Variants in AMT observed in about 807,000 individuals in gnomAD.
AMT encodes the protein aminomethyltransferase, mitochondrial.
AMT carries 24 observed loss-of-function variants against 39.5 expected under a neutral mutation model. The ratio of observed to expected loss-of-function variants is 0.61; its 90% CI spans 0.44 to 0.86. The LOEUF (loss-of-function observed/expected upper bound fraction) is 0.86, where lower values mean the gene tolerates loss of function less well. Ranked by LOEUF, AMT falls within the 40% of genes least tolerant of loss-of-function variation. The pLI, the probability that AMT is intolerant of heterozygous loss-of-function variation, is 0.00. For synonymous variants in AMT, 210 were observed against 212.1 expected, an observed-to-expected ratio of 0.99 and a Z score of 0.09; for missense variants, 501 against 537.0, an observed-to-expected ratio of 0.93 and a Z score of 0.66.
chr3:49,419,777 C>G lies in AMT; in HGVS notation c.483G>C (p.Arg161Ser). ...KDLALMQDKV[R>S]ELQNQGRDVG... ...CATCTCTGCCCTGGTTCTGAAGCTCCCTGACCTTGTCCTAAAAGACAGAAA... is the reference window on the plus strand; with the variant it reads ...CATCTCTGCCCTGGTTCTGAAGCTCGCTGACCTTGTCCTAAAAGACAGAAA... Residue 161 changes from arginine (R) to serine (S), a missense_variant, in exon 5 of 9, where the codon AGG (arginine) becomes AGC (serine). Transcript: ENST00000273588. 1 of 1,614,120 alleles carries G rather than the reference C, an allele frequency of 6.2e-7. No homozygotes were observed. The highest frequency in any genetic ancestry group is 8.5e-7 in the Non-Finnish European group (1 of 1,180,014).
intron 6 of AMT, 43 bp downstream of exon 6, chr3:49,419,217 C>T (rs2049056113): frequency 6.2e-7 from 1 of 1,613,916 alleles, no homozygotes; most frequent in Non-Finnish European, 8.5e-7. Context: ...CCCTCACATG[C>T]ATCCTGTGCC....
intron 3 of AMT, 134 bp from the exon 4 acceptor site, chr3:49,420,476 G>A: frequency 7.4e-7 from 1 of 1,357,210 alleles, no homozygotes; most frequent in Middle Eastern, 2.5e-4. Context: ...GGTGTGCAAG[G>A]TACAAGTCTG....
intron 2 of AMT, chr3:49,421,863 G>A (rs2049108140): frequency 1.4e-6 from 1 of 717,170 alleles, no homozygotes; most frequent in Admixed American, 2.0e-5. Context: ...TGTCAGCCCT[G>A]GAAAACCCGG....
chr3:49,419,268 C>T lies in AMT; in HGVS notation c.688G>A (p.Gly230Ser). Reference protein sequence around the residue: ...VTRCGYTGEDGVEISVPVAGA... With the variant: ...VTRCGYTGEDSVEISVPVAGA... Reference sequence around the variant, plus strand: ...ACCACTTCTTGACACACCTCCACACCATCCTCTCCTGTGTAGCCACAGCGG... The same window carrying T: ...ACCACTTCTTGACACACCTCCACACTATCCTCTCCTGTGTAGCCACAGCGG... Residue 230 changes from glycine (G) to serine (S), a missense_variant, in exon 6 of 9, where the codon GGT becomes AGT. Coordinates refer to ENST00000273588, the MANE Select transcript of AMT (RefSeq NM_000481.4). 1.2e-6 allele frequency: 2 copies of T among 1,614,172 alleles called. No individual in the cohort carries two copies. The highest frequency in any genetic ancestry group is 1.7e-6 in the Non-Finnish European group (2 of 1,180,026).
In AMT at chr3:49,417,640, C is replaced by A. The variant is rs147006017; in HGVS notation, c.1112G>T (p.Arg371Leu). ...CTCTACCAGCAGCATTGTCCCTGGACGACTGTACTCGCAGGGCACATAACC... is the reference window on the plus strand; with the variant it reads ...CTCTACCAGCAGCATTGTCCCTGGAAGACTGTACTCGCAGGGCACATAACC... ...AMGYVPCEYS[R>L]PGTMLLVEVR... Residue 371 changes from arginine (R) to leucine (L), a missense_variant, in exon 9 of 9, where the codon CGT (arginine) becomes CTT (leucine). Coordinates refer to ENST00000273588, the MANE Select transcript of AMT (RefSeq NM_000481.4). 4 of 1,614,042 alleles carry A rather than the reference C, an allele frequency of 2.5e-6. No homozygotes were observed. The African/African-American group carries it at 4.0e-5, about 16-fold the overall frequency.
In AMT at chr3:49,416,959, C is replaced by A. The variant is rs775436218; in HGVS notation, c.*581G>T. ...CCATGGTTTGCTACTGGGCAGCACA[C>A]TAGACCAACTTGGGAATGTGGAAGA... On this transcript the variant is annotated 3_prime_UTR_variant, in exon 9 of 9. Transcript: ENST00000273588. The A allele has an allele frequency of 2.1e-5, 10 of 471,192 alleles. No individual in the cohort carries two copies. The highest frequency in any genetic ancestry group is 3.8e-5 in the Non-Finnish European group (9 of 238,650). 29.2% of individuals were successfully genotyped at this position (471,192 alleles called of 1,614,324 possible). A position where few individuals can be genotyped will look rare whatever the true frequency, so the allele number is the denominator to read the frequency against.
Position 49,419,143 on chromosome 3 carries a change from C to A in AMT, c.705G>T (p.Val235=), listed in dbSNP as rs1324646911. 1.2e-6 allele frequency: 2 copies of A among 1,613,988 alleles called. No homozygotes were observed. Among genetic ancestry groups the A allele is most frequent in the Non-Finnish European group, 1.7e-6 (2 of 1,179,970 alleles). The change falls in exon 7 of 9, where the codon GTG becomes GTT. Residue 235 remains valine, a synonymous_variant. Coordinates refer to ENST00000273588, the MANE Select transcript of AMT (RefSeq NM_000481.4). The part of the protein sequence containing the change: ...YTGEDGVEIS[V]PVAGAVHLAT... ...CCAGGTGAACTGCCCCCGCTACCGG[C>A]ACCGAGATCTGTATGAAACACCAGA...
At position 49,419,329 on chromosome 3, in the gene AMT, C is replaced by A; in HGVS notation, c.627G>T (p.Val209=). ...LRKLPFMTSA[V]MEVFGVSGCR... ...AGCCAGACACGCCAAACACCTCCAT[C>A]ACAGCACTGGTCATGAAGGGCAGTT... The change falls in exon 6 of 9, where the codon GTG becomes GTT. Residue 209 remains valine, a synonymous_variant. Coordinates refer to ENST00000273588, the MANE Select transcript of AMT (RefSeq NM_000481.4). 1 of 1,614,198 alleles carries A rather than the reference C, an allele frequency of 6.2e-7. No individual in the cohort carries two copies. Among genetic ancestry groups the A allele is most frequent in the Non-Finnish European group, 8.5e-7 (1 of 1,180,032 alleles).
At chr3:49,421,461 A>T (rs2107935836) in intron 3 of AMT, 31 bp downstream of exon 3, 1 of 1,592,776 alleles carries the variant, frequency 6.3e-7, no homozygotes, top group Middle Eastern at 1.7e-4. Flanking sequence ...ATGACTAAGA[A>T]AACTCATAGA....
At chr3:49,421,593 C>T in intron 2 of AMT, 21 bp from the exon 3 acceptor site, 2 of 1,607,996 alleles carry the variant, frequency 1.2e-6, no homozygotes, top group Non-Finnish European at 1.7e-6. Flanking sequence ...GATTGAAAGC[C>T]TCAGGCCATT....
At position 49,417,670 on chromosome 3, in the gene AMT, G is replaced by A. The variant is rs757293245; in HGVS notation, c.1082C>T (p.Ala361Val). 3.2e-5 allele frequency: 52 copies of A among 1,613,892 alleles called. No homozygotes were observed. Among genetic ancestry groups the A allele is most frequent in the Non-Finnish European group, 4.0e-5 (47 of 1,180,006 alleles). The change falls in exon 9 of 9, where the codon GCG (alanine) becomes GTG (valine). Residue 361 changes from alanine (A) to valine (V), a missense_variant. Ala to Val is a moderately conservative substitution (Grantham distance 64). Transcript: ENST00000273588. ...GTACTCGCAGGGCACATAACCCATC[G>A]CCACATTCTTCTTCAGAGAGGGGGA... ...CPSPSLKKNV[A>V]MGYVPCEYSR...
chr3:49,419,520 G>A (rs937481466), intron 5 of AMT, 115 bp from the exon 6 acceptor site: 3 of 1,532,718 alleles, frequency 2.0e-6, no homozygotes, highest in African/African-American at 1.4e-5. Context: ...CTGCAAGTGG[G>A]AGAAGATGCC....
Position 49,417,346 on chromosome 3 carries a change from A to C in AMT, c.*194T>G. Reference sequence around the variant, plus strand: ...CATTGTGTGAGCTGGTCCGTCACTCAGAAGCAGGGTCCTGAAGGAAGCTGG... The same window carrying C: ...CATTGTGTGAGCTGGTCCGTCACTCCGAAGCAGGGTCCTGAAGGAAGCTGG... On this transcript the variant is annotated 3_prime_UTR_variant, in exon 9 of 9. Coordinates refer to ENST00000273588, the MANE Select transcript of AMT (RefSeq NM_000481.4). 5.0e-6 allele frequency: 8 copies of C among 1,596,328 alleles called. No individual in the cohort carries two copies. Among genetic ancestry groups the C allele is most frequent in the Non-Finnish European group, 6.8e-6 (8 of 1,176,264 alleles).
chr3:49,417,388 T>TG lies in AMT; in HGVS notation c.*151dup, dbSNP rs1303634224. 1 of 1,604,842 alleles carries TG rather than the reference T, an allele frequency of 6.2e-7. No homozygotes were observed. Among genetic ancestry groups the TG allele is most frequent in the Non-Finnish European group, 8.5e-7 (1 of 1,178,462 alleles). ...GGAAGCTGGAATGGCATGAGTTAGG[T>TG]GGGGGGAATAGGTGGTGTGGCCCCT... On this transcript the variant is annotated 3_prime_UTR_variant, in exon 9 of 9. Transcript: ENST00000273588.
intron 3 of AMT, 62 bp from the exon 4 acceptor site, chr3:49,420,404 A>T (rs2049080164): frequency 6.2e-7 from 1 of 1,612,466 alleles, no homozygotes; most frequent in African/African-American, 1.3e-5. Context: ...AGGGTGAGCC[A>T]GACACAACCC....
chr3:49,417,385 A>G lies in AMT; in HGVS notation c.*155T>C. ...GAAGGAAGCTGGAATGGCATGAGTT[A>G]GGTGGGGGGAATAGGTGGTGTGGCC... On this transcript the variant is annotated 3_prime_UTR_variant, in exon 9 of 9. Transcript: ENST00000273588. 1 of 1,604,626 alleles carries G rather than the reference A, an allele frequency of 6.2e-7. No individual in the cohort carries two copies. The highest frequency in any genetic ancestry group is 8.5e-7 in the Non-Finnish European group (1 of 1,178,494).
At position 49,422,051 on chromosome 3, in the gene AMT, TG is replaced by T. The variant is rs770240173; in HGVS notation, c.258+52del. On this transcript the variant is annotated intron_variant, in intron 2 of 8. Transcript: ENST00000273588. ...CAAACAAAGCCAAGGAGTGGACCACTGTAAACAGGGAGGAAGGCCTGATCAG... is the reference window on the plus strand; with the variant it reads ...CAAACAAAGCCAAGGAGTGGACCACTTAAACAGGGAGGAAGGCCTGATCAG... 2.5e-5 allele frequency: 41 copies of T among 1,611,330 alleles called. No homozygotes were observed. In the African/African-American group the frequency reaches 5.2e-4, roughly 20 times the overall value.
chr3:49,421,950 G>T, intron 2 of AMT, 154 bp downstream of exon 2: 1 of 1,038,308 alleles, frequency 9.6e-7, no homozygotes, highest in Non-Finnish European at 1.5e-6. Context: ...ATTTCCTTGG[G>T]GCCATTGACC....
At position 49,422,172 on chromosome 3, in the gene AMT, T is replaced by C. The variant is rs753179242; in HGVS notation, c.190A>G (p.Ser64Gly). ...GTGTGCAGGTGCGAGTCAGTGTGAC[T>C]GTCCCGGTACTGCACTGGCAGACTC... Reference protein sequence around the residue: ...GWSLPVQYRDSHTDSHLHTRQ... With the variant: ...GWSLPVQYRDGHTDSHLHTRQ... Residue 64 changes from serine (S) to glycine (G), a missense_variant, in exon 2 of 9, where the codon AGT (serine) becomes GGT (glycine). Ser to Gly is a moderately conservative substitution (Grantham distance 56). Coordinates refer to ENST00000273588, the MANE Select transcript of AMT (RefSeq NM_000481.4). 2.5e-6 allele frequency: 4 copies of C among 1,613,970 alleles called. No homozygotes were observed. Among genetic ancestry groups the C allele is most frequent in the Middle Eastern group, 1.6e-4 (1 of 6,062 alleles).
Sources: gnomAD v4.1 joint callset for allele counts on GRCh38, gnomAD v4.1.1 for gene constraint, MANE v1.5 for transcripts, NCBI Gene and HGNC (gene_info 2026-07-23, HGNC 2026-07-21) for gene names.